Variants in DNMBP observed in about 807,000 individuals in gnomAD.
The protein encoded by DNMBP is dynamin-binding protein.
DNMBP carries 87 observed loss-of-function variants against 150.0 expected under a neutral mutation model. The ratio of observed to expected loss-of-function variants is 0.58; its 90% confidence interval spans 0.49 to 0.69. The LOEUF is 0.69. Among genes scored for constraint, DNMBP ranks in the 30% least tolerant of loss-of-function variants. DNMBP has a pLI of 0.00. For missense variants in DNMBP, 1,774 were observed against 1,949.0 expected, an observed-to-expected ratio of 0.91 and a Z score of 1.69; for synonymous variants, 711 against 750.4, an observed-to-expected ratio of 0.95 and a Z score of 0.86.
At chr10:99,903,325 C>CT (rs1481631958) in intron 6 of DNMBP, among the ~76,000 whole-genome samples, 3 of 150,760 alleles carry the variant, frequency 2.0e-5, no homozygotes, top group East Asian at 1.9e-4. Flanking sequence ...TTCACGGCCA[C>CT]TTTTTTTTTG....
chr10:99,892,919 G>A (rs2039595639), intron 11 of DNMBP, among the ~76,000 whole-genome samples: 1 of 152,172 alleles, frequency 6.6e-6, no homozygotes, highest in Admixed American at 6.5e-5. Flanking sequence ...ATAAACTGAG[G>A]TAGGGGGAGG....
intron 1 of DNMBP, among the ~76,000 whole-genome samples, chr10:99,996,905 G>A (rs923057673): frequency 2.6e-5 from 4 of 152,150 alleles, no homozygotes; most frequent in African/African-American, 4.8e-5. Context: ...ACAAGAAAAC[G>A]GATTTCTTTG....
In DNMBP at chr10:99,956,262, G is replaced by A; in HGVS notation, c.1212C>T (p.Asp404=). ...AAATACCATTGACTACTTCTGTAGG[G>A]TCAGATGTGGGAGAGTCTGTGGCAA... ...MPLATDSPTS[D]PTEVVNGISS... Residue 404 remains aspartate (D), a synonymous_variant, in exon 4 of 17, where the codon GAC becomes GAT. Transcript: ENST00000324109. The A allele has an allele frequency of 6.2e-7, 1 of 1,613,806 alleles. No individual in the cohort carries two copies. The highest frequency in any genetic ancestry group is 8.5e-7 in the Non-Finnish European group (1 of 1,179,976).
chr10:99,897,832 GA>G (rs2039677287), intron 9 of DNMBP, among the ~76,000 whole-genome samples: 1 of 152,112 alleles, frequency 6.6e-6, no homozygotes, highest in African/African-American at 2.4e-5. Context: ...AGAATTGCTT[GA>G]ACATGGGAGG....
intron 1 of DNMBP, among the ~76,000 whole-genome samples, chr10:99,985,704 G>C (rs1589449719): frequency 6.6e-6 from 1 of 152,154 alleles, no homozygotes. Context: ...TCTTGTCCTT[G>C]ACAATACAAG....
chr10:100,004,416 C>T (rs189489957), intron 1 of DNMBP, among the ~76,000 whole-genome samples: 199 of 152,012 alleles, frequency 1.3e-3, no homozygotes, highest in South Asian at 8.7e-3. Flanking sequence ...TACAAAGTCA[C>T]TGTAATAAAA....
intron 4 of DNMBP, among the ~76,000 whole-genome samples, chr10:99,935,034 C>A (rs751382540): frequency 3.6e-5 from 4 of 110,974 alleles, no homozygotes; most frequent in Non-Finnish European, 6.8e-5. Flanking sequence ...TGCAGTAAGC[C>A]ATGATTGCAC....
chr10:99,907,901 G>A (rs2039846141), intron 6 of DNMBP, 94 bp downstream of exon 6: 15 of 846,352 alleles, frequency 1.8e-5, no homozygotes, highest in Non-Finnish European at 2.3e-5. Context: ...GTATCTTCCC[G>A]GAGGCATAGT....
At chr10:99,936,070 G>C (rs979693831) in intron 4 of DNMBP, among the ~76,000 whole-genome samples, 1 of 151,858 alleles carries the variant, frequency 6.6e-6, no homozygotes, top group African/African-American at 2.4e-5. Flanking sequence ...TAAAAGTATA[G>C]GTAAGATTAA....
At chr10:99,898,900 A>T (rs1230363733) in intron 7 of DNMBP, 140 bp from the exon 8 acceptor site, 1 of 883,284 alleles carries the variant, frequency 1.1e-6, no homozygotes, top group Non-Finnish European at 1.8e-6. Flanking sequence ...CTACTAAAAA[A>T]TGTTAGCCCC....
chr10:99,925,945 A>G (rs1232675181), intron 4 of DNMBP, among the ~76,000 whole-genome samples: 1 of 152,166 alleles, frequency 6.6e-6, no homozygotes, highest in Non-Finnish European at 1.5e-5. Flanking sequence ...GTGGCTATAT[A>G]AGCTTCCTTC....
Position 99,956,346 on chromosome 10 carries a change from C to A in DNMBP, c.1128G>T (p.Gln376His), listed in dbSNP as rs766632356. The A allele has an allele frequency of 1.2e-5, 20 of 1,613,934 alleles. No homozygotes were observed. In the South Asian group the frequency reaches 2.1e-4, roughly 17 times the overall value. Residue 376 changes from glutamine to histidine, a missense_variant, in exon 4 of 17, where the codon CAG (glutamine) becomes CAT (histidine). By Grantham distance (24) the Gln-to-His change is conservative. This residue lies in a region of DNMBP where 1,430 missense variants were observed against 1,492.5 expected (regional missense o/e 0.96). Transcript: ENST00000324109. ...GGGGCCCTCCTGCGGTGTCCTCGTC[C>A]TGATAAGAGTTTCTGTCTGTGTCAT... ...SEYDTDRNSYQDEDTAGGPPR... is the reference protein window; with the variant it reads ...SEYDTDRNSYHDEDTAGGPPR...
chr10:99,982,347 G>A (rs1478915825), intron 1 of DNMBP, among the ~76,000 whole-genome samples: 1 of 152,072 alleles, frequency 6.6e-6, no homozygotes, highest in Non-Finnish European at 1.5e-5. Flanking sequence ...GGGAGGCTGA[G>A]GTGGGAGGAT....
At chr10:99,967,265 A>G (rs760041925) in intron 3 of DNMBP, among the ~76,000 whole-genome samples, 12 of 152,098 alleles carry the variant, frequency 7.9e-5, no homozygotes, top group Non-Finnish European at 1.3e-4. Context: ...TATAATAAAA[A>G]ATAAATAATC....
chr10:99,898,699 C>A lies in DNMBP; in HGVS notation c.2720+44G>T, dbSNP rs373439517. 30 of 1,608,248 alleles carry A rather than the reference C, an allele frequency of 1.9e-5. No homozygotes were observed. In the African/African-American group the frequency reaches 4.0e-4, roughly 22 times the overall value. Reference sequence around the variant, plus strand: ...GCTTAAGAGTTAGTTAGGAAAAATCCACAGAAGAAATGAGCGCATACATCA... The same window carrying A: ...GCTTAAGAGTTAGTTAGGAAAAATCAACAGAAGAAATGAGCGCATACATCA... On this transcript the variant is annotated intron_variant, in intron 8 of 16. Transcript: ENST00000324109.
At chr10:99,928,723 A>G (rs2040110311) in intron 4 of DNMBP, among the ~76,000 whole-genome samples, 1 of 152,202 alleles carries the variant, frequency 6.6e-6, no homozygotes, top group Admixed American at 6.5e-5. Flanking sequence ...CAAGAGTGTC[A>G]GTACTCATCA....
At chr10:99,908,662 G>A (rs2039856590) in intron 5 of DNMBP, among the ~76,000 whole-genome samples, 1 of 152,176 alleles carries the variant, frequency 6.6e-6, no homozygotes, top group African/African-American at 2.4e-5. Context: ...TTCTAGCAGG[G>A]CCACGATTCA....
Position 99,876,405 on chromosome 10 carries a change from GC to G in DNMBP, c.*745del, listed in dbSNP as rs201969945. 0.039 allele frequency: 5,672 copies of G among 145,608 alleles called. 113 individuals are homozygous for G. The highest frequency in any genetic ancestry group is 0.089 in the South Asian group (416 of 4,694). The allele number at this position is 145,608 out of a possible 1,614,324, so 9.0% of individuals were successfully genotyped here. On this transcript the variant is annotated 3_prime_UTR_variant, in exon 17 of 17. Coordinates refer to ENST00000324109, the MANE Select transcript of DNMBP (RefSeq NM_015221.4). ...GCAAGACCCCATCTCAAAAAAAAAAGCGGGGGGGCAGTGATTGTACCTAACA... is the reference window on the plus strand; with the variant it reads ...GCAAGACCCCATCTCAAAAAAAAAAGGGGGGGGCAGTGATTGTACCTAACA...
intron 2 of DNMBP, 67 bp from the exon 3 acceptor site, chr10:99,969,304 C>T: frequency 3.8e-6 from 6 of 1,570,480 alleles, no homozygotes; most frequent in Non-Finnish European, 5.2e-6. Context: ...TGTACAAGGA[C>T]AAAAACTTTT....
Sources: allele counts gnomAD v4.1 joint callset (sites outside exome capture counted in the v4.1 genomes callset), GRCh38; gene constraint gnomAD v4.1.1; regional missense constraint gnomAD v4.1.1; transcripts MANE v1.5; gene names NCBI Gene and HGNC (gene_info 2026-07-23, HGNC 2026-07-21).